SUPT4H1: variants seen among roughly 807,000 people sequenced by gnomAD.
The protein encoded by SUPT4H1 is transcription elongation factor SPT4.
Under a neutral mutation model 19.4 loss-of-function variants are expected in SUPT4H1, and 12 were observed. That is an observed-to-expected ratio of 0.62 (90% CI 0.40 to 1.00). The LOEUF is 1.00. Among genes scored for constraint, SUPT4H1 ranks in the 50% least tolerant of loss-of-function variants. The pLI is 0.00. For synonymous variants in SUPT4H1, 58 were observed against 56.3 expected, an observed-to-expected ratio of 1.03 and a Z score of -0.14; for missense variants, 115 against 149.2, an observed-to-expected ratio of 0.77 and a Z score of 1.19.
At chr17:58,350,035 C>T (rs920036478) in intron 2 of SUPT4H1, among the ~76,000 whole-genome samples, 1 of 152,234 alleles carries the variant, frequency 6.6e-6, no homozygotes, top group Non-Finnish European at 1.5e-5. Context: ...GTAATCCCAG[C>T]ACTTTGTGAG....
At chr17:58,350,749 T>C (rs1218089494) in intron 2 of SUPT4H1, among the ~76,000 whole-genome samples, 1 of 141,346 alleles carries the variant, frequency 7.1e-6, no homozygotes, top group Admixed American at 7.1e-5. Context: ...GGCAGGAGAA[T>C]TGCTTGAACC....
Position 58,352,143 on chromosome 17 carries a change from G to T in SUPT4H1, c.-8C>A, listed in dbSNP as rs753351633. 6.2e-6 allele frequency: 10 copies of T among 1,613,926 alleles called. No homozygotes were observed. Among genetic ancestry groups the T allele is most frequent in the Non-Finnish European group, 6.8e-6 (8 of 1,179,926 alleles). On this transcript the variant is annotated 5_prime_UTR_variant, in exon 1 of 5. Transcript: ENST00000225504. ...CACCGTCTCCAGGGCCATCTTCGCC[G>T]ATGGGAAGAACAACAGGGAGATAGA...
At chr17:58,348,794 T>A (rs575649579) in intron 2 of SUPT4H1, among the ~76,000 whole-genome samples, 1 of 152,068 alleles carries the variant, frequency 6.6e-6, no homozygotes, top group African/African-American at 2.4e-5. Flanking sequence ...CCAATTCTGG[T>A]TGAGGTCATC....
Position 58,346,436 on chromosome 17 carries a change from T to C in SUPT4H1, c.287-123A>G, listed in dbSNP as rs899680585. 16 of 786,340 alleles carry C rather than the reference T, an allele frequency of 2.0e-5. No individual in the cohort carries two copies. In the East Asian group the frequency reaches 4.1e-4, roughly 20 times the overall value. The allele number at this position is 786,340 out of a possible 1,614,324, so 48.7% of individuals were successfully genotyped here. The stretch of plus-strand genomic sequence containing the variant: ...GAGTTCCTAGACTACTTATCAATCG[T>C]CTGCTTGGCCAGGCACGGTGGCTCA... On this transcript the variant is annotated intron_variant, in intron 4 of 4. Transcript: ENST00000225504.
At chr17:58,351,269 A>C (rs1972506451) in intron 2 of SUPT4H1, 133 bp downstream of exon 2, 1 of 611,910 alleles carries the variant, frequency 1.6e-6, no homozygotes, top group Non-Finnish European at 2.8e-6. Context: ...AAAAAAAAAA[A>C]AAAAACCCAC....
At position 58,352,139 on chromosome 17, in the gene SUPT4H1, C is replaced by T; in HGVS notation, c.-4G>A. On this transcript the variant is annotated 5_prime_UTR_variant, in exon 1 of 5. Coordinates refer to ENST00000225504, the MANE Select transcript of SUPT4H1 (RefSeq NM_003168.3). ...TCGGCACCGTCTCCAGGGCCATCTT[C>T]GCCGATGGGAAGAACAACAGGGAGA... The T allele has an allele frequency of 6.2e-7, 1 of 1,614,180 alleles. No individual in the cohort carries two copies. The highest frequency in any genetic ancestry group is 8.5e-7 in the Non-Finnish European group (1 of 1,180,010).
intron 4 of SUPT4H1, 42 bp downstream of exon 4, chr17:58,347,146 G>A: frequency 6.3e-7 from 1 of 1,587,498 alleles, no homozygotes; most frequent in Non-Finnish European, 8.6e-7. Context: ...CTTCCACAGA[G>A]CTTTACAGTA....
chr17:58,351,944 T>A (rs995965186), intron 1 of SUPT4H1, 123 bp downstream of exon 1: 7 of 1,012,692 alleles, frequency 6.9e-6, no homozygotes, highest in Non-Finnish European at 1.0e-5. Context: ...GGCTTCTCAC[T>A]CCCCCTGCCA....
chr17:58,347,666 G>A, intron 2 of SUPT4H1, 82 bp from the exon 3 acceptor site: 1 of 1,401,756 alleles, frequency 7.1e-7, no homozygotes, highest in Non-Finnish European at 1.0e-6. Context: ...CTAGGAAAAA[G>A]CCAAGTACCG....
rs35040111 is a variant in SUPT4H1 at position 58,350,836 on chromosome 17, CAAAAAA to C, written c.176+560_176+565del. ...GAGTGGCAAGGGCGAAAAGTCTGTC[CAAAAAA>C]AAAAAAAAAAAAAAAGCAACAGCTT... is the stretch of plus-strand genomic sequence containing the variant. On this transcript the variant is annotated intron_variant, in intron 2 of 4. Coordinates refer to ENST00000225504, the MANE Select transcript of SUPT4H1 (RefSeq NM_003168.3). 2.3e-4 allele frequency among the ~76,000 whole-genome samples: 19 copies of C among 81,920 alleles called. 1 individual carries two copies. The highest frequency in any genetic ancestry group is 5.7e-4 in the Admixed American group (4 of 7,060). The allele number at this position is 81,920 out of a possible 152,430, so 53.7% of individuals were successfully genotyped here. A position where few individuals can be genotyped will look rare whatever the true frequency, so the allele number is the denominator to read the frequency against.
In SUPT4H1 at chr17:58,345,818, G is replaced by A. The variant is rs548275818; in HGVS notation, c.*428C>T. On this transcript the variant is annotated 3_prime_UTR_variant, in exon 5 of 5. Transcript: ENST00000225504. ...CAGAGGCTGAGACAGTCAAGAGGGA[G>A]TAGAAGGGCCTCTGCTGCTCTGGGA... 5.7e-5 allele frequency: 9 copies of A among 158,166 alleles called. No individual in the cohort carries two copies. Among genetic ancestry groups the A allele is most frequent in the Non-Finnish European group, 9.8e-5 (7 of 71,548 alleles). 9.8% of individuals were successfully genotyped at this position (158,166 alleles called of 1,614,324 possible). A position where few individuals can be genotyped will look rare whatever the true frequency, so the allele number is the denominator to read the frequency against.
intron 2 of SUPT4H1, 80 bp downstream of exon 2, chr17:58,351,322 T>C: frequency 1.0e-6 from 1 of 953,290 alleles, no homozygotes; most frequent in African/African-American, 1.7e-5. Flanking sequence ...CCAACTAGGA[T>C]TAACACTTGC....
Position 58,347,243 on chromosome 17 carries a change from TGAGA to T in SUPT4H1, c.233-6_233-3del. On this transcript the variant is annotated splice_polypyrimidine_tract_variant and splice_region_variant and intron_variant, in intron 3 of 4. Transcript: ENST00000225504. ...CATATACACCTGGCTTAAAGTTACC[TGAGA>T]GAGAAGAAAAAAGATACAAGATTAC... 1 of 1,614,066 alleles carries T rather than the reference TGAGA, an allele frequency of 6.2e-7. No individual in the cohort carries two copies. The highest frequency in any genetic ancestry group is 8.5e-7 in the Non-Finnish European group (1 of 1,179,976).
intron 2 of SUPT4H1, among the ~76,000 whole-genome samples, chr17:58,349,896 T>G (rs1972428876): frequency 6.6e-6 from 1 of 152,152 alleles, no homozygotes; most frequent in African/African-American, 2.4e-5. Flanking sequence ...GAGGAGCTAG[T>G]GTTTAATGGG....
intron 4 of SUPT4H1, among the ~76,000 whole-genome samples, chr17:58,346,739 A>AAG (rs3030905): frequency 1.3e-5 from 2 of 150,770 alleles, no homozygotes; most frequent in South Asian, 4.2e-4. Flanking sequence ...AAAAAAAAAA[A>AAG]GGTCCTGCTT....
At chr17:58,349,909 C>T (rs2032135686) in intron 2 of SUPT4H1, among the ~76,000 whole-genome samples, 1 of 152,114 alleles carries the variant, frequency 6.6e-6, no homozygotes, top group South Asian at 2.1e-4. Flanking sequence ...TTAATGGGTA[C>T]AGATGAAAAA....
At chr17:58,347,981 A>G (rs1206415083) in intron 2 of SUPT4H1, among the ~76,000 whole-genome samples, 6 of 152,222 alleles carry the variant, frequency 3.9e-5, no homozygotes, top group African/African-American at 1.4e-4. Context: ...AAAGGAGTTC[A>G]ACTTGGCTAA....
rs1292876870 is a variant in SUPT4H1, at chr17:58,345,198, T to C, written c.*1048A>G. 6.6e-6 allele frequency: 1 copy of C among 152,124 alleles called. No homozygotes were observed. Among genetic ancestry groups the C allele is most frequent in the African/African-American group, 2.4e-5 (1 of 41,414 alleles). 9.4% of individuals were successfully genotyped at this position (152,124 alleles called of 1,614,324 possible). On this transcript the variant is annotated 3_prime_UTR_variant, in exon 5 of 5. Transcript: ENST00000225504. ...AAAAGGAGAGCAAAAGTATTTCACCTTTATAATACTTATATAATTTTCACA... is the reference window on the plus strand; with the variant it reads ...AAAAGGAGAGCAAAAGTATTTCACCCTTATAATACTTATATAATTTTCACA...
At chr17:58,349,694 A>G (rs1273406411) in intron 2 of SUPT4H1, among the ~76,000 whole-genome samples, 1 of 152,232 alleles carries the variant, frequency 6.6e-6, no homozygotes, top group African/African-American at 2.4e-5. Context: ...ACAAGGGAAT[A>G]TTATTCAGCT....
Sources: gnomAD v4.1 joint callset for allele counts (sites outside exome capture counted in the v4.1 genomes callset) on GRCh38, gnomAD v4.1.1 for gene constraint, MANE v1.5 for transcripts, NCBI Gene and HGNC (gene_info 2026-07-23, HGNC 2026-07-21) for gene names.